The following NCKAP5 variants were observed in gnomAD, a reference collection of about 807,000 sequenced individuals.
The protein encoded by NCKAP5 is nck-associated protein 5.
Under a neutral mutation model 167.0 loss-of-function variants are expected in NCKAP5, and 92 were observed. The ratio of observed to expected loss-of-function variants is 0.55; its 90% confidence interval spans 0.47 to 0.66. The LOEUF is 0.66. NCKAP5 is among the 30% of genes least tolerant of loss of function. The pLI, the probability that NCKAP5 is intolerant of heterozygous loss-of-function variation, is 0.00. For missense variants in NCKAP5, 2,378 were observed against 2,315.0 expected, an observed-to-expected ratio of 1.03 and a Z score of -0.56; for synonymous variants, 891 against 877.4, an observed-to-expected ratio of 1.02 and a Z score of -0.27.
intron 3 of NCKAP5, among the ~76,000 whole-genome samples, chr2:133,424,832 T>C (rs1203114907): frequency 1.3e-5 from 2 of 152,132 alleles, no homozygotes; most frequent in African/African-American, 2.4e-5. Context: ...GTTTTAGAAT[T>C]TGTTTAAGCC....
intron 8 of NCKAP5, among the ~76,000 whole-genome samples, chr2:132,956,740 C>T (rs13390958): frequency 0.049 from 7,456 of 152,230 alleles, 559 homozygotes; most frequent in African/African-American, 0.17. Context: ...CTGTTGTTAC[C>T]GAGGTCATAG....
In NCKAP5 at chr2:133,043,446, T is replaced by C. The variant is rs190915350; in HGVS notation, c.342-49207A>G. Among the ~76,000 whole-genome samples the C allele has an allele frequency of 2.0e-5, 3 of 151,934 alleles. No individual in the cohort carries two copies. In the East Asian group the frequency reaches 5.8e-4, roughly 29 times the overall value. On this transcript the variant is annotated intron_variant, in intron 6 of 19. Coordinates refer to ENST00000409261, the MANE Select transcript of NCKAP5 (RefSeq NM_207363.3). ...AGGGGTTTCCAATCTTTGGCTTCCTTGGGCCACAGTGGAAGAAGAAAAATT... is the reference window on the plus strand; with the variant it reads ...AGGGGTTTCCAATCTTTGGCTTCCTCGGGCCACAGTGGAAGAAGAAAAATT...
In NCKAP5 at chr2:133,393,143, A is replaced by G. The variant is rs77960301; in HGVS notation, c.70-90033T>C. Among the ~76,000 whole-genome samples the G allele has an allele frequency of 8.2e-3, 1,249 of 152,332 alleles. 15 individuals are homozygous for G. The highest frequency in any genetic ancestry group is 0.011 in the Non-Finnish European group (724 of 68,034). On this transcript the variant is annotated intron_variant, in intron 3 of 19. Coordinates refer to ENST00000409261, the MANE Select transcript of NCKAP5 (RefSeq NM_207363.3). ...TTTTGGATGTTATACCAGAGATGTG[A>G]CTGAGTAGAACAGAGCTTTCCAGGG...
intron 19 of NCKAP5, among the ~76,000 whole-genome samples, chr2:132,703,869 C>T (rs1688104482): frequency 6.6e-6 from 1 of 152,174 alleles, no homozygotes; most frequent in Admixed American, 6.5e-5. Flanking sequence ...TAATAGTATT[C>T]TGGGCAAATC....
In NCKAP5 at chr2:132,856,835, C is replaced by G. The variant is rs1302871602; in HGVS notation, c.807+3657G>C. ...AATAGGGAATCAGAAAATTTGTCCTCTTACTCATTTATGTTCCACGCAGAG... is the reference window on the plus strand; with the variant it reads ...AATAGGGAATCAGAAAATTTGTCCTGTTACTCATTTATGTTCCACGCAGAG... On this transcript the variant is annotated intron_variant, in intron 11 of 19. Transcript: ENST00000409261. Among the ~76,000 whole-genome samples the G allele has an allele frequency of 3.9e-5, 6 of 152,148 alleles. No individual in the cohort carries two copies. The South Asian group carries it at 6.2e-4, about 16-fold the overall frequency.
intron 6 of NCKAP5, among the ~76,000 whole-genome samples, chr2:133,063,600 T>G (rs2080085609): frequency 6.6e-6 from 1 of 151,448 alleles, no homozygotes; most frequent in Non-Finnish European, 1.5e-5. Context: ...ACTCATCACA[T>G]TTTTTTTTCC....
chr2:133,232,061 TG>T (rs948476704), intron 4 of NCKAP5, among the ~76,000 whole-genome samples: 1 of 152,236 alleles, frequency 6.6e-6, no homozygotes. Flanking sequence ...AAAAGCTGTG[TG>T]GGTTTTCTCT....
intron 3 of NCKAP5, among the ~76,000 whole-genome samples, chr2:133,487,459 A>G (rs1233505632): frequency 1.3e-5 from 2 of 152,092 alleles, no homozygotes; most frequent in Admixed American, 6.5e-5. Flanking sequence ...TCTAGAGCAT[A>G]CCCCTTACCG....
intron 2 of NCKAP5, among the ~76,000 whole-genome samples, chr2:133,523,311 C>G (rs971162222): frequency 6.6e-6 from 1 of 151,972 alleles, no homozygotes; most frequent in African/African-American, 2.4e-5. Context: ...CACACACACA[C>G]ACACACACAC....
At chr2:133,621,436 G>A in the NCKAP5 span, among the ~76,000 whole-genome samples, 3 of 151,990 alleles carry the variant, frequency 2.0e-5, no homozygotes, top group African/African-American at 2.4e-5. Context: ...AATGAAATGA[G>A]AGCTATCACA....
chr2:133,263,353 G>T (rs1389343847), intron 4 of NCKAP5, among the ~76,000 whole-genome samples: 1 of 149,420 alleles, frequency 6.7e-6, no homozygotes, highest in Non-Finnish European at 1.5e-5. Flanking sequence ...ACAATAAAAA[G>T]CTCCCTTGGG....
intron 13 of NCKAP5, among the ~76,000 whole-genome samples, chr2:132,788,468 C>A (rs56318788): frequency 0.65 from 98,196 of 152,132 alleles, 34,402 homozygotes; most frequent in African/African-American, 0.91. Context: ...AGCCTTCTGG[C>A]GCCTGGCTCT....
the NCKAP5 span, among the ~76,000 whole-genome samples, chr2:133,585,167 G>A: frequency 6.6e-6 from 1 of 152,068 alleles, no homozygotes; most frequent in East Asian, 1.9e-4. Flanking sequence ...GATAAAATGA[G>A]GGCAAAATAA....
intron 19 of NCKAP5, among the ~76,000 whole-genome samples, chr2:132,688,939 T>C (rs1291908199): frequency 2.3e-5 from 3 of 130,248 alleles, no homozygotes; most frequent in South Asian, 2.5e-4. Context: ...TGAGCCGTGA[T>C]GGCACCACTG....
intron 8 of NCKAP5, among the ~76,000 whole-genome samples, chr2:132,956,262 G>A (rs1558987027): frequency 6.6e-6 from 1 of 152,126 alleles, no homozygotes; most frequent in Non-Finnish European, 1.5e-5. Context: ...AGCTTGTTGG[G>A]TTTAGTACAG....
At chr2:132,794,366 C>G (rs77294363) in intron 12 of NCKAP5, among the ~76,000 whole-genome samples, 2 of 144,336 alleles carry the variant, frequency 1.4e-5, no homozygotes, top group East Asian at 2.1e-4. Context: ...GGCACAGTGG[C>G]TCACACCTGT....
intron 2 of NCKAP5, among the ~76,000 whole-genome samples, chr2:133,558,609 A>G (rs558895381): frequency 1.3e-5 from 2 of 151,100 alleles, no homozygotes; most frequent in East Asian, 3.9e-4. Flanking sequence ...GCAGTTCTAC[A>G]CACACAGAAG....
chr2:133,308,814 C>T (rs1245024978), intron 3 of NCKAP5, among the ~76,000 whole-genome samples: 3 of 147,044 alleles, frequency 2.0e-5, no homozygotes, highest in Middle Eastern at 3.6e-3. Context: ...GGGTTCACGC[C>T]ATTCTCCTGC....
chr2:133,130,739 C>T (rs553894837), intron 5 of NCKAP5, among the ~76,000 whole-genome samples: 9 of 152,298 alleles, frequency 5.9e-5, no homozygotes, highest in Non-Finnish European at 1.3e-4. Flanking sequence ...ACAGAATAGA[C>T]GGTTCAGCAG....
Sources: gnomAD v4.1 joint callset for allele counts (sites outside exome capture counted in the v4.1 genomes callset) on GRCh38, gnomAD v4.1.1 for gene constraint, MANE v1.5 for transcripts, NCBI Gene and HGNC (gene_info 2026-07-23, HGNC 2026-07-21) for gene names.